Variants in ANKFN1 observed in about 807,000 individuals in gnomAD.
ANKFN1 encodes the protein ankyrin repeat and fibronectin type III domain containing 1.
In ANKFN1, 74 loss-of-function variants were observed where a neutral mutation model predicts 108.7. That is an observed-to-expected ratio of 0.68 (90% CI 0.56 to 0.83). The LOEUF (loss-of-function observed/expected upper bound fraction) is 0.83. Among genes scored for constraint, ANKFN1 ranks in the 40% least tolerant of loss-of-function variants. The pLI, the probability that ANKFN1 is intolerant of heterozygous loss-of-function variation, is 0.00. For missense variants in ANKFN1, 1,505 were observed against 1,382.3 expected (o/e 1.09, Z -1.41); for synonymous variants, 547 against 516.2 (o/e 1.06, Z -0.81).
chr17:56,457,575 G>A (rs9901040), intron 13 of ANKFN1, among the ~76,000 whole-genome samples, 186 bp downstream of exon 13: 8,330 of 152,198 alleles, frequency 0.055, 471 homozygotes, highest in African/African-American at 0.15. Context: ...TAACGTGTGC[G>A]CTACATTTTC....
At chr17:56,229,821 G>A (rs1916590789) in intron 3 of ANKFN1, among the ~76,000 whole-genome samples, 1 of 151,760 alleles carries the variant, frequency 6.6e-6, no homozygotes, top group African/African-American at 2.4e-5. Context: ...ATTTTGAGAA[G>A]GAAGCTTGCA....
intron 4 of ANKFN1, among the ~76,000 whole-genome samples, chr17:56,336,969 G>A (rs1402889615): frequency 2.0e-5 from 3 of 151,982 alleles, no homozygotes; most frequent in Non-Finnish European, 2.9e-5. Context: ...CCTTCCTTTC[G>A]TTATTTACCC....
chr17:56,461,883 A>G (rs1445367118), intron 14 of ANKFN1, among the ~76,000 whole-genome samples: 1 of 152,164 alleles, frequency 6.6e-6, no homozygotes, highest in African/African-American at 2.4e-5. Context: ...CCAAAGGGAA[A>G]AGGGATCACA....
intron 3 of ANKFN1, among the ~76,000 whole-genome samples, chr17:56,321,118 C>A (rs1478077315): frequency 6.6e-6 from 1 of 151,228 alleles, no homozygotes; most frequent in Non-Finnish European, 1.5e-5. Context: ...CACTCCCCCA[C>A]CCCTTTTCTT....
chr17:56,227,885 T>G, intron 2 of ANKFN1, 32 bp from the exon 3 acceptor site: 1 of 1,584,210 alleles, frequency 6.3e-7, no homozygotes, highest in Non-Finnish European at 8.6e-7. Context: ...TGTACAATTT[T>G]TTAACATTCT....
chr17:56,055,566 C>CAT (rs1355346286), intron 4 of ANKFN1, among the ~76,000 whole-genome samples: 4,159 of 47,336 alleles, frequency 0.088, 522 homozygotes, highest in East Asian at 0.12. Context: ...GGTATATATA[C>CAT]ATATATATAT....
At chr17:56,373,069 G>C (rs2046854096) in intron 7 of ANKFN1, among the ~76,000 whole-genome samples, 1 of 152,080 alleles carries the variant, frequency 6.6e-6, no homozygotes, top group Admixed American at 6.5e-5. Context: ...CATGCCTCTG[G>C]CCTCTCTCCA....
At chr17:56,192,698 T>C (rs1303425564) in intron 1 of ANKFN1, among the ~76,000 whole-genome samples, 1 of 70,080 alleles carries the variant, frequency 1.4e-5, no homozygotes, top group Non-Finnish European at 2.7e-5. Flanking sequence ...AAAACCACTA[T>C]GAGATATCAT....
chr17:56,171,326 C>T (rs190969747), intron 1 of ANKFN1, among the ~76,000 whole-genome samples: 141 of 152,142 alleles, frequency 9.3e-4, no homozygotes, highest in African/African-American at 2.4e-3. Flanking sequence ...AATGTACAGA[C>T]GGGAATCCTG....
At chr17:56,443,043 C>T in intron 10 of ANKFN1, 110 bp downstream of exon 10, 1 of 1,015,130 alleles carries the variant, frequency 9.9e-7, no homozygotes, top group Admixed American at 2.1e-5. Context: ...ACCCATAAGA[C>T]CTTCTCAGGG....
chr17:56,277,232 A>G (rs16957033), intron 3 of ANKFN1, among the ~76,000 whole-genome samples: 6,481 of 152,244 alleles, frequency 0.043, 464 homozygotes, highest in African/African-American at 0.15. Context: ...TAATAAAATT[A>G]AAGTAACTTT....
chr17:56,153,588 A>G, intron 1 of ANKFN1, 58 bp downstream of exon 1: 1 of 1,601,726 alleles, frequency 6.2e-7, no homozygotes, highest in Admixed American at 1.7e-5. Context: ...ATTGTTTTGC[A>G]TTCAACAGGC....
chr17:56,198,964 C>G (rs950010450), intron 1 of ANKFN1, among the ~76,000 whole-genome samples: 1 of 152,132 alleles, frequency 6.6e-6, no homozygotes, highest in Non-Finnish European at 1.5e-5. Context: ...CTTGTTCTTG[C>G]AGATAAATGT....
At chr17:56,298,389 C>T (rs1282096686) in intron 3 of ANKFN1, among the ~76,000 whole-genome samples, 1 of 152,086 alleles carries the variant, frequency 6.6e-6, no homozygotes, top group Admixed American at 6.5e-5. Flanking sequence ...TAATAGTTAT[C>T]ATGTATTTCT....
At chr17:56,163,678 G>T (rs1384680537) in intron 1 of ANKFN1, among the ~76,000 whole-genome samples, 1 of 152,218 alleles carries the variant, frequency 6.6e-6, no homozygotes, top group African/African-American at 2.4e-5. Context: ...ATCTTTGTAG[G>T]GGGAAGAGTA....
At chr17:56,073,482 A>C (rs1034071155) in intron 4 of ANKFN1, among the ~76,000 whole-genome samples, 2 of 152,212 alleles carry the variant, frequency 1.3e-5, no homozygotes, top group Non-Finnish European at 2.9e-5. Flanking sequence ...ATTTCAAAGG[A>C]AGCAGCAGAC....
intron 4 of ANKFN1, among the ~76,000 whole-genome samples, chr17:56,140,966 C>A (rs910613530): frequency 2.6e-5 from 4 of 152,176 alleles, no homozygotes; most frequent in African/African-American, 9.7e-5. Flanking sequence ...TTCTTTATAT[C>A]TCCACAGTCC....
intron 4 of ANKFN1, among the ~76,000 whole-genome samples, chr17:56,078,052 T>C (rs993666582): frequency 6.6e-6 from 1 of 152,186 alleles, no homozygotes; most frequent in Non-Finnish European, 1.5e-5. Context: ...GTTAATGTTT[T>C]TGTTGTAGCG....
At chr17:56,340,470 A>C (rs1486601499) in intron 4 of ANKFN1, among the ~76,000 whole-genome samples, 1 of 151,762 alleles carries the variant, frequency 6.6e-6, no homozygotes, top group Non-Finnish European at 1.5e-5. Flanking sequence ...ATCTATCTTG[A>C]GTTAATTTTT....
Sources: gnomAD v4.1 joint callset for allele counts (sites outside exome capture counted in the v4.1 genomes callset) on GRCh38, gnomAD v4.1.1 for gene constraint, MANE v1.5 for transcripts, NCBI Gene and HGNC (gene_info 2026-07-23, HGNC 2026-07-21) for gene names.